Variants in HTT observed in about 807,000 individuals in gnomAD.
HTT encodes the protein huntingtin.
A neutral mutation model predicts 362.3 loss-of-function variants in HTT; 104 were observed. The observed-to-expected ratio is 0.29, with a 90% CI of 0.24 to 0.34. HTT has a LOEUF of 0.34. HTT is among the 10% of genes least tolerant of loss of function. The pLI is 1.00. For synonymous variants in HTT, 1,577 were observed against 1,548.7 expected (o/e 1.02, Z -0.43); for missense variants, 3,301 against 3,928.6 (o/e 0.84, Z 4.27).
chr4:3,238,730 G>GGGGCC, intron 65 of HTT, 88 bp from the exon 66 acceptor site: 6 of 1,097,032 alleles, frequency 5.5e-6, no homozygotes, highest in Non-Finnish European at 8.0e-6. Flanking sequence ...AATGCCTCTG[G>GGGGCC]CCCCCACCCC....
At chr4:3,221,726 CTG>C (rs368401176) in intron 53 of HTT, among the ~76,000 whole-genome samples, 2 of 152,208 alleles carry the variant, frequency 1.3e-5, no homozygotes, top group Non-Finnish European at 2.9e-5. Flanking sequence ...TCAGAAACAA[CTG>C]TTCGTTAGAT....
intron 28 of HTT, 46 bp from the exon 29 acceptor site, chr4:3,160,236 C>G: frequency 1.6e-6 from 2 of 1,235,476 alleles, no homozygotes; most frequent in Non-Finnish European, 2.3e-6. Flanking sequence ...ATTATGAGAT[C>G]GTGACAGGGC....
intron 19 of HTT, among the ~76,000 whole-genome samples, chr4:3,134,884 C>T (rs1375235106): frequency 1.3e-5 from 2 of 152,098 alleles, no homozygotes; most frequent in African/African-American, 2.4e-5. Context: ...TGTGTGCCGT[C>T]ACACTGGCTA....
intron 18 of HTT, among the ~76,000 whole-genome samples, chr4:3,133,473 G>A (rs1430615218): frequency 6.6e-6 from 1 of 151,196 alleles, no homozygotes; most frequent in Non-Finnish European, 1.5e-5. Flanking sequence ...TCTAGCCTGG[G>A]CAACAGAGTG....
intron 29 of HTT, among the ~76,000 whole-genome samples, chr4:3,168,750 C>G (rs1007765217): frequency 1.3e-5 from 2 of 152,096 alleles, no homozygotes; most frequent in Admixed American, 6.5e-5. Context: ...CAGTGGCATG[C>G]GTCTGTGGTC....
chr4:3,239,709 G>T, intron 66 of HTT, 137 bp from the exon 67 acceptor site: 3 of 653,316 alleles, frequency 4.6e-6, no homozygotes, highest in South Asian at 3.8e-5. Context: ...CATCCAGGTG[G>T]CCCTTCCGGG....
intron 36 of HTT, among the ~76,000 whole-genome samples, chr4:3,181,942 A>G (rs1267287206): frequency 1.3e-5 from 2 of 152,260 alleles, no homozygotes; most frequent in Non-Finnish European, 2.9e-5. Flanking sequence ...TGCAGAGAAC[A>G]CAGAATTGAA....
intron 25 of HTT, 25 bp from the exon 26 acceptor site, chr4:3,147,980 G>A: frequency 1.3e-6 from 2 of 1,581,330 alleles, no homozygotes; most frequent in Non-Finnish European, 1.7e-6. Flanking sequence ...GGGGTGGAGA[G>A]GTAATGTCTG....
At chr4:3,134,366 CCTG>C in intron 18 of HTT, 32 bp from the exon 19 acceptor site, 1 of 1,600,752 alleles carries the variant, frequency 6.2e-7, no homozygotes, top group Middle Eastern at 1.8e-4. Flanking sequence ...GTGGGACTAA[CCTG>C]CTGTCCTCTT....
At chr4:3,216,763 C>T (rs1444775858) in intron 51 of HTT, among the ~76,000 whole-genome samples, 1 of 152,118 alleles carries the variant, frequency 6.6e-6, no homozygotes, top group East Asian at 1.9e-4. Flanking sequence ...CGGTGGCTCA[C>T]GCCTGTAATC....
intron 22 of HTT, among the ~76,000 whole-genome samples, chr4:3,141,967 T>C (rs1716366614): frequency 6.6e-6 from 1 of 152,194 alleles, no homozygotes; most frequent in Non-Finnish European, 1.5e-5. Flanking sequence ...TTAGAATAAA[T>C]TGTTGCTTCT....
intron 20 of HTT, 62 bp downstream of exon 20, chr4:3,136,029 C>T: frequency 8.1e-7 from 1 of 1,233,564 alleles, no homozygotes; most frequent in Non-Finnish European, 1.2e-6. Flanking sequence ...TGAGGCTTTC[C>T]TTGTGGAATT....
At chr4:3,154,193 T>C (rs1237650974) in intron 26 of HTT, 100 bp from the exon 27 acceptor site, 3 of 1,012,742 alleles carry the variant, frequency 3.0e-6, no homozygotes, top group Non-Finnish European at 4.3e-6. Context: ...TTAGCTCTTT[T>C]TAATAAATGG....
At position 3,206,278 on chromosome 4, in the gene HTT, C is replaced by T. The variant is rs536652118; in HGVS notation, c.5719-218C>T. On this transcript the variant is annotated intron_variant, in intron 42 of 66. Transcript: ENST00000355072. This position sits in a 1 kb window ranked among gnomAD's most constrained non-coding sequence, Gnocchi z 4.6. ...TACTTCCCCAGGGGGCCTAACTTCA[C>T]ACAGCCTCTGCCGCAGTGCGTGGTT... Among the ~76,000 whole-genome samples, 1 of 152,382 alleles carries T rather than the reference C, an allele frequency of 6.6e-6. No homozygotes were observed. Among genetic ancestry groups the T allele is most frequent in the Admixed American group, 6.5e-5 (1 of 15,312 alleles).
intron 29 of HTT, among the ~76,000 whole-genome samples, chr4:3,171,915 T>G (rs990335639): frequency 3.3e-5 from 5 of 152,234 alleles, no homozygotes; most frequent in African/African-American, 1.2e-4. Flanking sequence ...CTAGGACTGA[T>G]TTGTGGTAAA....
At chr4:3,210,110 C>T (rs890351474) in intron 47 of HTT, among the ~76,000 whole-genome samples, 161 bp downstream of exon 47, 2 of 152,046 alleles carry the variant, frequency 1.3e-5, no homozygotes, top group African/African-American at 2.4e-5. Context: ...TGAATGGGGC[C>T]GGGAAGTGGG....
In HTT at chr4:3,213,372, G is replaced by A. The variant is rs530025344; in HGVS notation, c.6775-586G>A. Among the ~76,000 whole-genome samples the A allele has an allele frequency of 2.6e-5, 4 of 152,350 alleles. No homozygotes were observed. In the East Asian group the frequency reaches 7.7e-4, roughly 29 times the overall value. ...TCAGCGTGTGATCACAGCACAGGGTGATTGCTGCTGATTATATTATGTGCC... is the reference window on the plus strand; with the variant it reads ...TCAGCGTGTGATCACAGCACAGGGTAATTGCTGCTGATTATATTATGTGCC... On this transcript the variant is annotated intron_variant, in intron 49 of 66. Coordinates refer to ENST00000355072, the MANE Select transcript of HTT (RefSeq NM_001388492.1).
intron 41 of HTT, among the ~76,000 whole-genome samples, chr4:3,201,051 T>A (rs1719508437): frequency 6.6e-6 from 1 of 152,244 alleles, no homozygotes; most frequent in Non-Finnish European, 1.5e-5. Flanking sequence ...TGATGAGTGT[T>A]TAAAAGAAAT....
chr4:3,218,288 T>TA lies in HTT; in HGVS notation c.7242+338dup. Among the ~76,000 whole-genome samples, 1 of 152,364 alleles carries TA rather than the reference T, an allele frequency of 6.6e-6. No homozygotes were observed. The highest frequency in any genetic ancestry group is 1.9e-4 in the East Asian group (1 of 5,188). ...AGTGAGTGAGATTTTCCTTTGGAGA[T>TA]AATTCATGTTTTTCTACACAGTTTT... On this transcript the variant is annotated intron_variant, in intron 52 of 66. Coordinates refer to ENST00000355072, the MANE Select transcript of HTT (RefSeq NM_001388492.1). This position sits in a 1 kb window ranked among gnomAD's most constrained non-coding sequence, Gnocchi z 4.4.
Sources: allele counts gnomAD v4.1 joint callset (sites outside exome capture counted in the v4.1 genomes callset), GRCh38; gene constraint gnomAD v4.1.1; non-coding constraint Gnocchi (gnomAD v3.1); transcripts MANE v1.5; gene names NCBI Gene and HGNC (gene_info 2026-07-23, HGNC 2026-07-21).